The following RBFOX1 variants were observed in gnomAD, a reference collection of about 807,000 sequenced individuals.
RBFOX1 encodes the protein RNA binding protein fox-1 homolog 1.
A neutral mutation model predicts 57.7 loss-of-function variants in RBFOX1; 8 were observed. The ratio of observed to expected loss-of-function variants is 0.14; its 90% confidence interval spans 0.08 to 0.25. The LOEUF is 0.25. Ranked by LOEUF, RBFOX1 falls within the 10% of genes least tolerant of loss-of-function variation. The probability of loss-of-function intolerance (pLI) is 1.00; values close to 1 mark genes in which losing one functional copy is unlikely to be tolerated. For missense variants in RBFOX1, 611 were observed against 548.5 expected (o/e 1.11, Z -1.14); for synonymous variants, 326 against 222.4 (o/e 1.47, Z -4.15).
At chr16:6,154,084 C>G (rs1310350424) in intron 1 of RBFOX1, among the ~76,000 whole-genome samples, 1 of 152,208 alleles carries the variant, frequency 6.6e-6, no homozygotes, top group African/African-American at 2.4e-5. Flanking sequence ...CCTGGTGATT[C>G]ACACAGGAAG....
chr16:6,093,239 C>G (rs1057159563), intron 1 of RBFOX1, among the ~76,000 whole-genome samples: 2 of 152,016 alleles, frequency 1.3e-5, no homozygotes, highest in African/African-American at 2.4e-5. Flanking sequence ...CTAATTAAAA[C>G]GAGCAACATG....
chr16:7,630,981 C>A (rs1053960525), intron 11 of RBFOX1, among the ~76,000 whole-genome samples: 6 of 152,166 alleles, frequency 3.9e-5, no homozygotes, highest in African/African-American at 1.4e-4. Flanking sequence ...TCTATCATAG[C>A]TTTGCAAATT....
At chr16:5,522,907 G>A (rs2044076647) in intron 2 of RBFOX1, among the ~76,000 whole-genome samples, 1 of 152,158 alleles carries the variant, frequency 6.6e-6, no homozygotes, top group South Asian at 2.1e-4. Context: ...ATTCCATCGT[G>A]TATCTATATC....
intron 3 of RBFOX1, among the ~76,000 whole-genome samples, chr16:6,829,790 T>C (rs1470847658): frequency 6.6e-6 from 1 of 152,138 alleles, no homozygotes; most frequent in African/African-American, 2.4e-5. Context: ...GTAGTAGAAA[T>C]AGGATTTCGC....
At chr16:5,391,423 G>C (rs923306755) in intron 1 of RBFOX1, among the ~76,000 whole-genome samples, 1 of 152,034 alleles carries the variant, frequency 6.6e-6, no homozygotes, top group Non-Finnish European at 1.5e-5. Context: ...TTCAAAGCTA[G>C]CCAGGAAGGG....
chr16:6,291,636 G>A (rs2077475622), intron 1 of RBFOX1, among the ~76,000 whole-genome samples: 1 of 152,132 alleles, frequency 6.6e-6, no homozygotes, highest in Admixed American at 6.5e-5. Context: ...ATATCCAATG[G>A]CATCCTTTGC....
At chr16:7,175,331 G>T (rs1483383536) in intron 4 of RBFOX1, among the ~76,000 whole-genome samples, 2 of 152,140 alleles carry the variant, frequency 1.3e-5, no homozygotes, top group Non-Finnish European at 2.9e-5. Flanking sequence ...TTCTTCGCCT[G>T]TGAAATGGGT....
chr16:7,372,557 C>G (rs946047573), intron 4 of RBFOX1, among the ~76,000 whole-genome samples: 1 of 152,136 alleles, frequency 6.6e-6, no homozygotes, highest in South Asian at 2.1e-4. Context: ...GGAGCTCTGT[C>G]TGGAGAAGGA....
intron 3 of RBFOX1, among the ~76,000 whole-genome samples, chr16:6,708,498 C>T (rs1473223954): frequency 6.6e-6 from 1 of 152,182 alleles, no homozygotes; most frequent in African/African-American, 2.4e-5. Context: ...AAGATATTTT[C>T]ATCACGTTCC....
chr16:7,693,133 G>A (rs2077739779), intron 14 of RBFOX1, among the ~76,000 whole-genome samples: 2 of 152,046 alleles, frequency 1.3e-5, no homozygotes, highest in African/African-American at 4.8e-5. Flanking sequence ...ATGACTTTAA[G>A]AGGTCCCCGC....
chr16:5,338,155 A>G (rs181526899), intron 1 of RBFOX1, among the ~76,000 whole-genome samples: 2 of 151,712 alleles, frequency 1.3e-5, no homozygotes, highest in East Asian at 3.9e-4. Context: ...ACTGAGCCTT[A>G]TTGAGGCACC....
chr16:6,824,830 A>G (rs190569082), intron 3 of RBFOX1, among the ~76,000 whole-genome samples: 3 of 151,996 alleles, frequency 2.0e-5, no homozygotes, highest in African/African-American at 4.8e-5. Flanking sequence ...AAGATAATAC[A>G]TGTGGATTGG....
intron 3 of RBFOX1, among the ~76,000 whole-genome samples, chr16:6,901,259 G>C (rs116751636): frequency 6.6e-6 from 1 of 152,148 alleles, no homozygotes; most frequent in Non-Finnish European, 1.5e-5. Context: ...GGACAGAATT[G>C]CTTGTTCATC....
intron 4 of RBFOX1, among the ~76,000 whole-genome samples, chr16:7,362,523 C>T (rs1196160887): frequency 6.9e-6 from 1 of 145,292 alleles, no homozygotes; most frequent in African/African-American, 2.7e-5. Flanking sequence ...TGTGTGTTTA[C>T]ATGTGTGTCA....
In RBFOX1 at chr16:7,451,861, G is replaced by A. The variant is rs372538798; in HGVS notation, c.28-66286G>A. ...TCTAATTTATCTCAGTGGGGTTTGT[G>A]GGGGTTCATTTAAGCAGCAGAAGCT... On this transcript the variant is annotated intron_variant, in intron 4 of 15. Coordinates refer to ENST00000550418, the MANE Select transcript of RBFOX1 (RefSeq NM_018723.4). Among the ~76,000 whole-genome samples the A allele has an allele frequency of 1.1e-4, 17 of 152,250 alleles. No homozygotes were observed. The South Asian group carries it at 3.5e-3, about 32-fold the overall frequency.
chr16:7,320,107 G>A (rs942511172), intron 4 of RBFOX1, among the ~76,000 whole-genome samples: 2 of 152,134 alleles, frequency 1.3e-5, no homozygotes, highest in African/African-American at 4.8e-5. Flanking sequence ...GGATACATGT[G>A]CAGGATGTGC....
chr16:6,897,130 G>A (rs1161178307), intron 3 of RBFOX1, among the ~76,000 whole-genome samples: 1 of 152,168 alleles, frequency 6.6e-6, no homozygotes, highest in Non-Finnish European at 1.5e-5. Context: ...GAAAACCATT[G>A]CTGACAAATA....
At chr16:6,629,348 T>G (rs990759436) in intron 2 of RBFOX1, among the ~76,000 whole-genome samples, 2 of 152,206 alleles carry the variant, frequency 1.3e-5, no homozygotes, top group African/African-American at 4.8e-5. Flanking sequence ...AGAAACACAG[T>G]GTTGCTCGTT....
At chr16:6,573,255 G>A (rs527722225) in intron 2 of RBFOX1, among the ~76,000 whole-genome samples, 116 of 152,200 alleles carry the variant, frequency 7.6e-4, no homozygotes, top group African/African-American at 2.0e-3. Context: ...TGGGTTTGCC[G>A]TGACTGCCAC....
Sources: allele counts gnomAD v4.1 joint callset (sites outside exome capture counted in the v4.1 genomes callset), GRCh38; gene constraint gnomAD v4.1.1; transcripts MANE v1.5; gene names NCBI Gene and HGNC (gene_info 2026-07-23, HGNC 2026-07-21).